MUS81: variants seen among roughly 807,000 people sequenced by gnomAD.
MUS81 encodes the protein structure-specific endonuclease subunit MUS81.
Under a neutral mutation model 74.2 loss-of-function variants are expected in MUS81, and 69 were observed. The ratio of observed to expected loss-of-function variants is 0.93; its 90% CI spans 0.77 to 1.14. The LOEUF is 1.14. Among genes scored for constraint, MUS81 ranks in the 50% most tolerant of loss-of-function variants. MUS81 has a pLI of 0.00. For synonymous variants in MUS81, 303 were observed against 300.6 expected (o/e 1.01, Z -0.08); for missense variants, 711 against 726.5 (o/e 0.98, Z 0.25).
intron 2 of MUS81, 22 bp from the exon 3 acceptor site, chr11:65,861,328 T>A (rs1305326030): frequency 6.4e-7 from 1 of 1,574,164 alleles, no homozygotes; most frequent in Admixed American, 1.8e-5. Flanking sequence ...GAGTGTGGAG[T>A]TAACTCTTTT....
chr11:65,861,342 T>C lies in MUS81; in HGVS notation c.266-8T>C. On this transcript the variant is annotated splice_region_variant and splice_polypyrimidine_tract_variant and intron_variant, in intron 2 of 15. Transcript: ENST00000308110. ...GGAGTGTGGAGTTAACTCTTTTCTC[T>C]CCCGCAGGTGACCATGCCCCGGACT... is the stretch of plus-strand genomic sequence containing the variant. The C allele has an allele frequency of 6.3e-7, 1 of 1,585,596 alleles. No individual in the cohort carries two copies. The highest frequency in any genetic ancestry group is 8.6e-7 in the Non-Finnish European group (1 of 1,163,856).
rs774940552 is a variant in MUS81, at chr11:65,861,314, C to T, written c.266-36C>T. On this transcript the variant is annotated intron_variant, in intron 2 of 15. Coordinates refer to ENST00000308110, the MANE Select transcript of MUS81 (RefSeq NM_025128.5). ...CCCAGATCCTCGCAGCTGCCGGATT[C>T]GTGGAGTGTGGAGTTAACTCTTTTC... 12 of 1,561,868 alleles carry T rather than the reference C, an allele frequency of 7.7e-6. No homozygotes were observed. The South Asian group carries it at 1.3e-4, about 17-fold the overall frequency.
Position 65,860,542 on chromosome 11 carries a change from C to A in MUS81, c.-212C>A. 1 of 635,520 alleles carries A rather than the reference C, an allele frequency of 1.6e-6. No homozygotes were observed. Among genetic ancestry groups the A allele is most frequent in the Non-Finnish European group, 2.7e-6 (1 of 366,374 alleles). The allele number at this position is 635,520 out of a possible 1,614,324, so 39.4% of individuals were successfully genotyped here. A position where few individuals can be genotyped will look rare whatever the true frequency, so the allele number is the denominator to read the frequency against. On this transcript the variant is annotated 5_prime_UTR_variant, in exon 1 of 16. Transcript: ENST00000308110. ...CGTTAGAGACAGCGCCCCTGACCAA[C>A]CACTTAGAGCAGCGCAGGGGTGGGA...
upstream of MUS81, chr11:65,859,957 C>T (rs1266036524): frequency 4.7e-6 from 1 of 213,542 alleles, no homozygotes; most frequent in Non-Finnish European, 1.0e-5. Context: ...GCCTCCCCAA[C>T]TGCCAGGATG....
Position 65,863,640 on chromosome 11 carries a change from C to T in MUS81, c.880C>T (p.Leu294=). 6.2e-7 allele frequency: 1 copy of T among 1,614,078 alleles called. No individual in the cohort carries two copies. Among genetic ancestry groups the T allele is most frequent in the East Asian group, 2.2e-5 (1 of 44,884 alleles). The change falls in exon 9 of 16, where the codon CTG becomes TTG. Residue 294 remains leucine (L), a synonymous_variant. Transcript: ENST00000308110. ...RPELLRELQR[L]HVTHTVRKLH... is the part of the protein sequence containing the mutation. ...GGAGCTGCTCCGAGAGCTACAGCGG[C>T]TGCACGTGACCCACACGGTGCGCAA... is the stretch of plus-strand genomic sequence containing the variant.
In MUS81 at chr11:65,863,875, A is replaced by G. The variant is rs760475624; in HGVS notation, c.1033A>G (p.Ile345Val). 1.2e-6 allele frequency: 2 copies of G among 1,614,156 alleles called. No homozygotes were observed. The highest frequency in any genetic ancestry group is 1.7e-6 in the Non-Finnish European group (2 of 1,180,006). Reference sequence around the variant, plus strand: ...ACTGGATGACCTTTGCAGCAGCATCATCGACGGCCGCTTCCGGGAGCAGAA... The same window carrying G: ...ACTGGATGACCTTTGCAGCAGCATCGTCGACGGCCGCTTCCGGGAGCAGAA... ...KRLDDLCSSI[I>V]DGRFREQKFR... is the part of the protein sequence containing the mutation. The change falls in exon 10 of 16, where the codon ATC becomes GTC. Residue 345 changes from isoleucine to valine, a missense_variant. Coordinates refer to ENST00000308110, the MANE Select transcript of MUS81 (RefSeq NM_025128.5).
Position 65,862,197 on chromosome 11 carries a change from T to C in MUS81, c.451-14T>C. 6.2e-7 allele frequency: 1 copy of C among 1,613,208 alleles called. No homozygotes were observed. The highest frequency in any genetic ancestry group is 1.8e-4 in the Middle Eastern group (1 of 5,518). On this transcript the variant is annotated splice_polypyrimidine_tract_variant and intron_variant, in intron 4 of 15. Transcript: ENST00000308110. ...GGCACTGAGCCTACCCTGTCTTTTC[T>C]ACCTTGGTTTCAGAATCCTAATGGT...
chr11:65,861,533 A>G (rs1859605636), intron 3 of MUS81, 98 bp downstream of exon 3: 4 of 981,410 alleles, frequency 4.1e-6, no homozygotes, highest in East Asian at 2.6e-5. Context: ...AAATCTCACC[A>G]GTGATGCCTG....
At chr11:65,859,961 C>T, upstream of MUS81, 1 of 212,336 alleles carries the variant, frequency 4.7e-6, no homozygotes, top group Admixed American at 4.7e-5. Context: ...CCCCAACTGC[C>T]AGGATGCCCA....
chr11:65,860,304 TTAA>T, upstream of MUS81: 1 of 460,352 alleles, frequency 2.2e-6, no homozygotes, highest in Admixed American at 2.3e-5. Context: ...GCTGACAATC[TTAA>T]GAGACCTTAG....
chr11:65,861,542 T>C, intron 3 of MUS81, 107 bp downstream of exon 3: 1 of 877,560 alleles, frequency 1.1e-6, no homozygotes, highest in East Asian at 2.7e-5. Flanking sequence ...CAGTGATGCC[T>C]GGCCTTGAGC....
chr11:65,861,394 C>T lies in MUS81; in HGVS notation c.310C>T (p.Pro104Ser), dbSNP rs777682352. 2.5e-6 allele frequency: 4 copies of T among 1,603,972 alleles called. No individual in the cohort carries two copies. Among genetic ancestry groups the T allele is most frequent in the South Asian group, 1.1e-5 (1 of 89,522 alleles). The change falls in exon 3 of 16, where the codon CCG becomes TCG. Residue 104 changes from proline (P) to serine (S), a missense_variant. Pro to Ser is a moderately conservative substitution (Grantham distance 74). Coordinates refer to ENST00000308110, the MANE Select transcript of MUS81 (RefSeq NM_025128.5). ...ACCATCTGGAGAGAACAGTCCAGCC[C>T]CGCAGGGGCGACTTGCGGAAGTCCA... ...DSPSGENSPAPQGRLAEVQDS... is the reference protein window; with the variant it reads ...DSPSGENSPASQGRLAEVQDS...
intron 11 of MUS81, 25 bp downstream of exon 11, chr11:65,864,638 C>A: frequency 6.2e-7 from 1 of 1,612,474 alleles, no homozygotes. Context: ...CAGGGCCAGG[C>A]AGGCAGGCAG....
intron 4 of MUS81, 61 bp from the exon 5 acceptor site, chr11:65,862,150 G>C: frequency 1.9e-6 from 3 of 1,597,908 alleles, no homozygotes; most frequent in Non-Finnish European, 2.6e-6. Flanking sequence ...CCAGCCACCT[G>C]AGCGGGATGA....
At position 65,863,143 on chromosome 11, in the gene MUS81, C is replaced by T; in HGVS notation, c.684C>T (p.Gly228=). The change falls in exon 7 of 16, where the codon GGC becomes GGT. Residue 228 remains glycine, a synonymous_variant. Coordinates refer to ENST00000308110, the MANE Select transcript of MUS81 (RefSeq NM_025128.5). ...AAGGCCTGAGCTTGCTGAATGTGGG[C>T]ATCGGGCCCAAGGAGCCCCCTGGGG... ...ESEGLSLLNV[G]IGPKEPPGEE... 1.2e-6 allele frequency: 2 copies of T among 1,614,074 alleles called. No homozygotes were observed. Among genetic ancestry groups the T allele is most frequent in the Non-Finnish European group, 1.7e-6 (2 of 1,180,000 alleles).
At chr11:65,862,623 A>T in intron 6 of MUS81, 94 bp downstream of exon 6, 10 of 1,187,998 alleles carry the variant, frequency 8.4e-6, no homozygotes, top group Non-Finnish European at 1.2e-5. Flanking sequence ...GATGCTGTTG[A>T]GATTGGGGGG....
At chr11:65,865,491 G>A in intron 14 of MUS81, 168 bp downstream of exon 14, 8 of 718,660 alleles carry the variant, frequency 1.1e-5, no homozygotes, top group Non-Finnish European at 1.8e-5. Flanking sequence ...AAGCCAGCAG[G>A]CCCACATAGT....
Position 65,863,440 on chromosome 11 carries a change from A to G in MUS81, c.777A>G (p.Pro259=), listed in dbSNP as rs971576551. The change falls in exon 8 of 16, where the codon CCA becomes CCG. Residue 259 remains proline (P), a synonymous_variant. Coordinates refer to ENST00000308110, the MANE Select transcript of MUS81 (RefSeq NM_025128.5). ...GTGAAGCAGGGGTCCAGCAGCAGCC[A>G]CTGGAGCTGAGGCCTGGAGAGTACA... ...LASEAGVQQQ[P]LELRPGEYRV... 1 of 1,614,132 alleles carries G rather than the reference A, an allele frequency of 6.2e-7. No individual in the cohort carries two copies. The highest frequency in any genetic ancestry group is 8.5e-7 in the Non-Finnish European group (1 of 1,180,006).
upstream of MUS81, chr11:65,860,033 A>ATTTTGGG (rs1250133209): frequency 3.7e-6 from 1 of 267,832 alleles, no homozygotes; most frequent in Non-Finnish European, 8.0e-6. Flanking sequence ...TCCGAGTTCT[A>ATTTTGGG]TTTTGGGCCT....
Sources: gnomAD v4.1 joint callset for allele counts on GRCh38, gnomAD v4.1.1 for gene constraint, MANE v1.5 for transcripts, NCBI Gene and HGNC (gene_info 2026-07-23, HGNC 2026-07-21) for gene names.